The following NELL1 variants were observed in gnomAD, a reference collection of about 807,000 sequenced individuals.
NELL1 encodes the protein protein kinase C-binding protein NELL1.
Under a neutral mutation model 107.4 loss-of-function variants are expected in NELL1, and 76 were observed. The ratio of observed to expected loss-of-function variants is 0.71; its 90% CI spans 0.59 to 0.86. The LOEUF is 0.86. NELL1 is among the 40% of genes least tolerant of loss of function. The probability of loss-of-function intolerance (pLI) is 0.00; values close to 1 mark genes in which losing one functional copy is unlikely to be tolerated. For synonymous variants in NELL1, 353 were observed against 341.2 expected (o/e 1.03, Z -0.38); for missense variants, 1,024 against 1,005.5 (o/e 1.02, Z -0.25).
chr11:21,360,237 C>A (rs780755266), intron 14 of NELL1, among the ~76,000 whole-genome samples: 1 of 151,998 alleles, frequency 6.6e-6, no homozygotes, highest in Non-Finnish European at 1.5e-5. Context: ...ATCTTGATTT[C>A]TTTGTTGACC....
intron 12 of NELL1, among the ~76,000 whole-genome samples, chr11:21,104,761 G>T (rs531470858): frequency 1.7e-3 from 265 of 152,270 alleles, no homozygotes; most frequent in Non-Finnish European, 3.2e-3. Context: ...TTATTAGTCA[G>T]CTCAAGCTGC....
At chr11:21,190,334 A>G (rs1857022896) in intron 13 of NELL1, among the ~76,000 whole-genome samples, 1 of 151,898 alleles carries the variant, frequency 6.6e-6, no homozygotes, top group Non-Finnish European at 1.5e-5. Context: ...CCTGGGCGAT[A>G]GAGTGAGACT....
At chr11:21,115,850 C>T (rs1298442706) in intron 13 of NELL1, among the ~76,000 whole-genome samples, 1 of 151,986 alleles carries the variant, frequency 6.6e-6, no homozygotes, top group African/African-American at 2.4e-5. Context: ...ATCACTGCCT[C>T]CTCTCAGGAA....
At chr11:20,875,069 GAATAA>G (rs1337261214) in intron 4 of NELL1, among the ~76,000 whole-genome samples, 3 of 152,296 alleles carry the variant, frequency 2.0e-5, no homozygotes, top group African/African-American at 7.2e-5. Flanking sequence ...GATTGACTCA[GAATAA>G]AATGAGATAA....
At chr11:21,493,718 A>G (rs553979501) in intron 15 of NELL1, among the ~76,000 whole-genome samples, 50 of 152,174 alleles carry the variant, frequency 3.3e-4, no homozygotes, top group African/African-American at 1.2e-3. Flanking sequence ...GCAAGAATGT[A>G]TTATGTATTT....
intron 15 of NELL1, among the ~76,000 whole-genome samples, chr11:21,393,061 T>A (rs560126611): frequency 1.4e-3 from 218 of 151,832 alleles, no homozygotes; most frequent in Middle Eastern, 6.8e-3. Context: ...TCAAGTGATT[T>A]GGACGTGAGC....
chr11:20,684,528 T>C (rs1416433313), intron 2 of NELL1, among the ~76,000 whole-genome samples: 5 of 152,150 alleles, frequency 3.3e-5, no homozygotes, highest in African/African-American at 1.2e-4. Context: ...ACTGTTTTAA[T>C]GTTGTTAATC....
At chr11:21,380,944 T>A (rs1314787317) in intron 15 of NELL1, among the ~76,000 whole-genome samples, 3 of 152,010 alleles carry the variant, frequency 2.0e-5, no homozygotes, top group Non-Finnish European at 4.4e-5. Flanking sequence ...CTACTATACA[T>A]CTATTGTAAG....
intron 12 of NELL1, among the ~76,000 whole-genome samples, chr11:21,059,437 A>C (rs566421505): frequency 3.0e-4 from 46 of 151,706 alleles, no homozygotes; most frequent in Non-Finnish European, 5.0e-4. Context: ...TGTAGCCTTC[A>C]CCCTTACTCC....
chr11:21,239,763 C>T (rs1858304367), intron 14 of NELL1, among the ~76,000 whole-genome samples: 1 of 151,996 alleles, frequency 6.6e-6, no homozygotes, highest in African/African-American at 2.4e-5. Context: ...TCTTTGTTCT[C>T]TTGAATCAAG....
At chr11:21,556,171 C>T (rs1200889407) in intron 16 of NELL1, among the ~76,000 whole-genome samples, 1 of 151,840 alleles carries the variant, frequency 6.6e-6, no homozygotes, top group African/African-American at 2.4e-5. Flanking sequence ...TTAATGAACC[C>T]CCAAGCTCTG....
chr11:20,700,181 A>G (rs1305075414), intron 2 of NELL1, among the ~76,000 whole-genome samples: 2 of 152,172 alleles, frequency 1.3e-5, no homozygotes, highest in African/African-American at 4.8e-5. Context: ...TGTTAAATGG[A>G]TAATATGTAT....
intron 12 of NELL1, among the ~76,000 whole-genome samples, chr11:21,001,755 G>A (rs894838111): frequency 2.6e-5 from 4 of 151,620 alleles, no homozygotes; most frequent in Admixed American, 2.6e-4. Flanking sequence ...GGAAGGGGGA[G>A]AGGTGGATTC....
chr11:21,197,152 C>T (rs530014019), intron 13 of NELL1, among the ~76,000 whole-genome samples: 101 of 151,968 alleles, frequency 6.6e-4, no homozygotes, highest in Middle Eastern at 3.4e-3. Flanking sequence ...GCTGGGATTA[C>T]AGGCGTCAGC....
intron 13 of NELL1, among the ~76,000 whole-genome samples, chr11:21,135,293 T>C (rs577249618): frequency 6.6e-6 from 1 of 152,336 alleles, no homozygotes; most frequent in East Asian, 1.9e-4. Context: ...TTAGGTATGA[T>C]GATGATTATA....
At chr11:20,736,585 T>C (rs1280995706) in intron 2 of NELL1, among the ~76,000 whole-genome samples, 1 of 152,200 alleles carries the variant, frequency 6.6e-6, no homozygotes, top group Non-Finnish European at 1.5e-5. Context: ...TTATTGTCCA[T>C]TGTCTAAAAT....
intron 14 of NELL1, among the ~76,000 whole-genome samples, chr11:21,294,831 G>A (rs1471263388): frequency 2.0e-5 from 3 of 152,038 alleles, no homozygotes; most frequent in South Asian, 2.1e-4. Context: ...AGGTTTCAGC[G>A]ACAGATCAAT....
intron 2 of NELL1, among the ~76,000 whole-genome samples, chr11:20,720,266 G>T (rs1208141002): frequency 2.0e-5 from 3 of 150,784 alleles, no homozygotes; most frequent in South Asian, 2.1e-4. Flanking sequence ...TGAGTGCAGT[G>T]GTGCGATCTC....
chr11:21,405,026 T>A (rs1458743278), intron 15 of NELL1, among the ~76,000 whole-genome samples: 2 of 152,078 alleles, frequency 1.3e-5, no homozygotes, highest in African/African-American at 4.8e-5. Context: ...GCAAGGCAAG[T>A]AAGCCTGTGT....
Sources: allele counts gnomAD v4.1 joint callset (sites outside exome capture counted in the v4.1 genomes callset), GRCh38; gene constraint gnomAD v4.1.1; transcripts MANE v1.5; gene names NCBI Gene and HGNC (gene_info 2026-07-23, HGNC 2026-07-21).